The following CADPS variants were observed in gnomAD, a reference collection of about 807,000 sequenced individuals.
The protein encoded by CADPS is calcium dependent secretion activator, also known as calcium-dependent secretion activator 1.
Under a neutral mutation model 167.3 loss-of-function variants are expected in CADPS, and 57 were observed. The ratio of observed to expected loss-of-function variants is 0.34; its 90% CI spans 0.28 to 0.42. The LOEUF (loss-of-function observed/expected upper bound fraction) is 0.42. CADPS is among the 20% of genes least tolerant of loss of function. The probability of loss-of-function intolerance (pLI) is 1.00; values close to 1 mark genes in which losing one functional copy is unlikely to be tolerated. For synonymous variants in CADPS, 676 were observed against 635.3 expected, an observed-to-expected ratio of 1.06 and a Z score of -0.96; for missense variants, 1,414 against 1,738.1, an observed-to-expected ratio of 0.81 and a Z score of 3.32.
intron 26 of CADPS, among the ~76,000 whole-genome samples, chr3:62,451,682 C>G (rs2058073338): frequency 1.3e-5 from 2 of 152,098 alleles, no homozygotes; most frequent in Non-Finnish European, 2.9e-5. Context: ...GCCTGTTTGA[C>G]TTCACAAGAG....
At chr3:62,526,087 G>A (rs2072118530) in intron 13 of CADPS, among the ~76,000 whole-genome samples, 1 of 152,166 alleles carries the variant, frequency 6.6e-6, no homozygotes, top group South Asian at 2.1e-4. Flanking sequence ...GGGCAACCGG[G>A]AGGATGAAAC....
chr3:62,735,897 T>C (rs2078903983), intron 3 of CADPS, among the ~76,000 whole-genome samples: 1 of 152,202 alleles, frequency 6.6e-6, no homozygotes, highest in African/African-American at 2.4e-5. Context: ...GGCTTTTACA[T>C]CACAGAAGAA....
intron 1 of CADPS, among the ~76,000 whole-genome samples, chr3:62,861,616 T>C (rs564349720): frequency 5.1e-4 from 78 of 152,306 alleles, no homozygotes; most frequent in African/African-American, 1.8e-3. Context: ...TTCTTTTCTC[T>C]CCTTTCCCCA....
chr3:62,442,097 A>T (rs2056408704), intron 27 of CADPS, among the ~76,000 whole-genome samples: 1 of 152,166 alleles, frequency 6.6e-6, no homozygotes, highest in African/African-American at 2.4e-5. Context: ...TTAATTAATA[A>T]AAAACAAAAA....
At chr3:62,440,553 CT>C (rs2056119310) in intron 27 of CADPS, 1 of 143,626 alleles carries the variant, frequency 7.0e-6, no homozygotes, top group Non-Finnish European at 1.5e-5. Context: ...TTAGAATCTA[CT>C]CTAGAACCAA....
At chr3:62,838,294 G>A (rs1475062822) in intron 1 of CADPS, among the ~76,000 whole-genome samples, 1 of 152,222 alleles carries the variant, frequency 6.6e-6, no homozygotes, top group East Asian at 1.9e-4. Flanking sequence ...ACAATTGAAA[G>A]TGTTATGGAG....
intron 17 of CADPS, among the ~76,000 whole-genome samples, chr3:62,508,704 T>C (rs571749848): frequency 3.3e-5 from 5 of 152,308 alleles, no homozygotes; most frequent in African/African-American, 1.2e-4. Flanking sequence ...CACAGGGTCA[T>C]GGTGAGAATT....
In CADPS at chr3:62,628,985, C is replaced by T. The variant is rs2064720531; in HGVS notation, c.1325+16737G>A. 1.3e-5 allele frequency among the ~76,000 whole-genome samples: 2 copies of T among 152,216 alleles called. 1 individual carries two copies. Among genetic ancestry groups the T allele is most frequent in the South Asian group, 4.1e-4 (2 of 4,822 alleles). On this transcript the variant is annotated intron_variant, in intron 6 of 29. Transcript: ENST00000383710. ...CTATTTTTCTTCACTGTCAATCCAG[C>T]CTAAGCCACCATTGTCTCTTGCTTG...
rs572430527 is a variant in CADPS at position 62,516,654 on chromosome 3, C to T, written c.2394-11G>A. 6.3e-7 allele frequency: 1 copy of T among 1,590,904 alleles called. No individual in the cohort carries two copies. Among genetic ancestry groups the T allele is most frequent in the Non-Finnish European group, 8.6e-7 (1 of 1,165,408 alleles). Reference sequence around the variant, plus strand: ...AATGGAAAGCAATACCTAAAAAAGACAAAATTCTTCAGGTTGCCTAAATTA... The same window carrying T: ...AATGGAAAGCAATACCTAAAAAAGATAAAATTCTTCAGGTTGCCTAAATTA... On this transcript the variant is annotated splice_polypyrimidine_tract_variant and intron_variant, in intron 14 of 29. Coordinates refer to ENST00000383710, the MANE Select transcript of CADPS (RefSeq NM_003716.4).
At chr3:62,500,874 A>G (rs772086501) in intron 17 of CADPS, among the ~76,000 whole-genome samples, 39 of 152,322 alleles carry the variant, frequency 2.6e-4, no homozygotes, top group Non-Finnish European at 4.6e-4. Flanking sequence ...GGTCATTAGT[A>G]ATTTAGGATT....
chr3:62,530,617 A>G, intron 13 of CADPS: 1 of 1,230,568 alleles, frequency 8.1e-7, no homozygotes, highest in Non-Finnish European at 1.0e-6. Flanking sequence ...GGGTAAAGAT[A>G]TTACAAACAC....
intron 17 of CADPS, among the ~76,000 whole-genome samples, chr3:62,502,072 T>C (rs2065860247): frequency 6.6e-6 from 1 of 152,242 alleles, no homozygotes; most frequent in South Asian, 2.1e-4. Flanking sequence ...CAGTCTTTCA[T>C]TTACTATTAA....
chr3:62,659,750 G>A (rs2072696155), intron 4 of CADPS, among the ~76,000 whole-genome samples: 1 of 152,204 alleles, frequency 6.6e-6, no homozygotes, highest in Non-Finnish European at 1.5e-5. Context: ...GCTGGAAACT[G>A]ACTGCTTCCA....
At chr3:62,492,200 G>C in intron 20 of CADPS, 90 bp downstream of exon 20, 2 of 1,087,048 alleles carry the variant, frequency 1.8e-6, no homozygotes, top group South Asian at 1.4e-5. Context: ...GCTATGTCAA[G>C]CCTGTAGTCT....
intron 3 of CADPS, among the ~76,000 whole-genome samples, chr3:62,702,811 G>C (rs1051326320): frequency 1.3e-5 from 2 of 152,120 alleles, no homozygotes; most frequent in African/African-American, 4.8e-5. Context: ...AATCAGTTCT[G>C]TATGGGTAGG....
chr3:62,808,264 C>T (rs1025295969), intron 1 of CADPS, among the ~76,000 whole-genome samples: 1 of 94,590 alleles, frequency 1.1e-5, no homozygotes, highest in African/African-American at 3.9e-5. Flanking sequence ...AGATTGCTAG[C>T]CTTATGAGAA....
At chr3:62,672,522 G>A (rs1014527410) in intron 3 of CADPS, among the ~76,000 whole-genome samples, 1 of 152,160 alleles carries the variant, frequency 6.6e-6, no homozygotes, top group Admixed American at 6.5e-5. Context: ...CCACCACTCT[G>A]TCTTGTTCTC....
intron 9 of CADPS, among the ~76,000 whole-genome samples, chr3:62,559,729 G>A (rs2152356373): frequency 6.6e-6 from 1 of 152,134 alleles, no homozygotes. Context: ...CCCGACTTCA[G>A]GTGATCTGCC....
chr3:62,413,512 TAAGTC>T (rs1365146377), intron 28 of CADPS, among the ~76,000 whole-genome samples: 3 of 152,140 alleles, frequency 2.0e-5, no homozygotes, highest in Non-Finnish European at 2.9e-5. Flanking sequence ...CTAAATGAAA[TAAGTC>T]AGTCACGAAA....
Sources: allele counts gnomAD v4.1 joint callset (sites outside exome capture counted in the v4.1 genomes callset), GRCh38; gene constraint gnomAD v4.1.1; transcripts MANE v1.5; gene names NCBI Gene and HGNC (gene_info 2026-07-23, HGNC 2026-07-21).